Variants in RBPJ observed in about 807,000 individuals in gnomAD.
RBPJ encodes the protein recombination signal binding protein for immunoglobulin kappa J region, also known as recombining binding protein suppressor of hairless.
RBPJ carries 9 observed loss-of-function variants against 67.8 expected under a neutral mutation model. The observed-to-expected ratio is 0.13, with a 90% CI of 0.08 to 0.23. The LOEUF is 0.23. Ranked by LOEUF, RBPJ falls within the 10% of genes least tolerant of loss-of-function variation. RBPJ has a pLI of 1.00. For missense variants in RBPJ, 305 were observed against 595.6 expected, an observed-to-expected ratio of 0.51 and a Z score of 5.08; for synonymous variants, 198 against 203.3, an observed-to-expected ratio of 0.97 and a Z score of 0.22.
intron 1 of RBPJ, among the ~76,000 whole-genome samples, chr4:26,385,558 G>C (rs918148055): frequency 2.0e-5 from 3 of 152,086 alleles, no homozygotes; most frequent in African/African-American, 7.2e-5. Flanking sequence ...GTGCTTTCTT[G>C]CCTTTGCTCT....
Position 26,242,705 on chromosome 4 carries a change from T to TAAAAAA in RBPJ, c.-167+79108_-167+79113dup, listed in dbSNP as rs1025631996. 2.6e-3 allele frequency among the ~76,000 whole-genome samples: 265 copies of TAAAAAA among 100,362 alleles called. 3 individuals carry two copies. The highest frequency in any genetic ancestry group is 0.013 in the East Asian group (45 of 3,528). The allele number at this position is 100,362 out of a possible 152,430, so 65.8% of individuals were successfully genotyped here. A position where few individuals can be genotyped will look rare whatever the true frequency, so the allele number is the denominator to read the frequency against. ...TTTCACCAACAGACCCACTCATAGT[T>TAAAAAA]AAAAAAAAAAAAAAAAAAAAAAGTC... On this transcript the variant is annotated intron_variant, in intron 1 of 4. Transcript: ENST00000512351.
At chr4:26,159,412 C>CCCCTTATT (rs1332086619), upstream of RBPJ, among the ~76,000 whole-genome samples, 1 of 152,096 alleles carries the variant, frequency 6.6e-6, no homozygotes, top group Non-Finnish European at 1.5e-5. Context: ...TGATGCCATG[C>CCCCTTATT]CCCTTATTAA....
At chr4:26,144,548 A>G in the RBPJ span, among the ~76,000 whole-genome samples, 1 of 152,084 alleles carries the variant, frequency 6.6e-6, no homozygotes, top group African/African-American at 2.4e-5. Context: ...AGGATTACAG[A>G]TGTGAGTCAC....
At chr4:26,252,238 A>G (rs1720139776) in intron 1 of RBPJ, among the ~76,000 whole-genome samples, 1 of 152,066 alleles carries the variant, frequency 6.6e-6, no homozygotes, top group Non-Finnish European at 1.5e-5. Flanking sequence ...CCTCCCACCA[A>G]TAACTAGATT....
chr4:26,308,163 C>G (rs902718704), intron 1 of RBPJ, among the ~76,000 whole-genome samples: 6 of 152,120 alleles, frequency 3.9e-5, no homozygotes, highest in African/African-American at 1.2e-4. Flanking sequence ...GTAGTCCCAG[C>G]TAGTCGGGAG....
At chr4:26,340,028 A>AG (rs1434674748) in intron 1 of RBPJ, among the ~76,000 whole-genome samples, 2 of 152,206 alleles carry the variant, frequency 1.3e-5, no homozygotes, top group East Asian at 3.8e-4. Context: ...AAAAAAAAAA[A>AG]AGAACATTTC....
intron 1 of RBPJ, among the ~76,000 whole-genome samples, chr4:26,215,668 T>C (rs960748902): frequency 3.3e-5 from 5 of 152,090 alleles, no homozygotes; most frequent in African/African-American, 1.2e-4. Flanking sequence ...CACTGGAGTG[T>C]CACGAAAACA....
chr4:26,168,644 C>G (rs1716419442), intron 1 of RBPJ, among the ~76,000 whole-genome samples: 1 of 152,210 alleles, frequency 6.6e-6, no homozygotes, highest in African/African-American at 2.4e-5. Flanking sequence ...GGGAAGTTCT[C>G]CTGGATAATA....
intron 1 of RBPJ, among the ~76,000 whole-genome samples, chr4:26,295,722 G>C (rs1167860651): frequency 6.6e-6 from 1 of 152,118 alleles, no homozygotes. Flanking sequence ...AGGCTGATTT[G>C]GGACTTGGAT....
the RBPJ span, among the ~76,000 whole-genome samples, chr4:26,138,706 T>G: frequency 6.6e-6 from 1 of 152,314 alleles, no homozygotes; most frequent in African/African-American, 2.4e-5. Flanking sequence ...GTGGAGTACA[T>G]GAACCACTTC....
In RBPJ at chr4:26,434,578, C is replaced by T. The variant is rs1163510645; in HGVS notation, c.*3571C>T. ...TAATATATTAGGGTTTCTGTTTAAC[C>T]CTTTCAGGACTGAACTGTATCTCCT... On this transcript the variant is annotated 3_prime_UTR_variant, in exon 11 of 11. Coordinates refer to ENST00000355476, the MANE Select transcript of RBPJ (RefSeq NM_015874.6). 1.3e-5 allele frequency: 2 copies of T among 152,122 alleles called. No individual in the cohort carries two copies. The highest frequency in any genetic ancestry group is 6.5e-5 in the Admixed American group (1 of 15,280). The allele number at this position is 152,122 out of a possible 1,614,324, so 9.4% of individuals were successfully genotyped here.
chr4:26,272,401 AC>A (rs1720944848), intron 1 of RBPJ, among the ~76,000 whole-genome samples: 1 of 152,020 alleles, frequency 6.6e-6, no homozygotes, highest in Non-Finnish European at 1.5e-5. Context: ...CTCCATCTGT[AC>A]AAAAAAAATT....
upstream of RBPJ, chr4:26,319,902 G>C (rs377744078): frequency 2.7e-4 from 408 of 1,508,088 alleles, no homozygotes; most frequent in Non-Finnish European, 3.5e-4. Flanking sequence ...GGAGGAGGGG[G>C]CGGGATTCGG....
intron 2 of RBPJ, among the ~76,000 whole-genome samples, chr4:26,398,608 T>C (rs184352314): frequency 9.9e-5 from 15 of 152,272 alleles, no homozygotes; most frequent in African/African-American, 3.6e-4. Context: ...AATCTCATCT[T>C]TCAGAATTCT....
intron 1 of RBPJ, among the ~76,000 whole-genome samples, chr4:26,337,277 G>T (rs574464838): frequency 6.6e-6 from 1 of 152,228 alleles, no homozygotes; most frequent in African/African-American, 2.4e-5. Flanking sequence ...AGCCTGTTTA[G>T]TGTTTGATGC....
chr4:26,362,530 T>TA, intron 1 of RBPJ: 1 of 1,597,008 alleles, frequency 6.3e-7, no homozygotes, highest in Middle Eastern at 1.9e-4. Flanking sequence ...AGGAGAATGA[T>TA]ACAGATACAC....
intron 3 of RBPJ, among the ~76,000 whole-genome samples, chr4:26,414,227 C>T (rs995573973): frequency 6.6e-6 from 1 of 151,872 alleles, no homozygotes; most frequent in Non-Finnish European, 1.5e-5. Flanking sequence ...TGGAATGCAG[C>T]TGCACTATGA....
chr4:26,109,332 C>G, the RBPJ span, among the ~76,000 whole-genome samples: 1 of 149,792 alleles, frequency 6.7e-6, no homozygotes, highest in African/African-American at 2.5e-5. Context: ...TCTCGAACTC[C>G]TGACCTCAAG....
At position 26,398,313 on chromosome 4, in the gene RBPJ, A is replaced by G. The variant is rs1396647055; in HGVS notation, c.60-7862A>G. Among the ~76,000 whole-genome samples, 5 of 152,128 alleles carry G rather than the reference A, an allele frequency of 3.3e-5. 1 individual carries two copies. In the East Asian group the frequency reaches 9.6e-4, roughly 29 times the overall value. ...CTCCCTCCACTTACCCCTTGGACCA[A>G]TCACAGAGGTGTGTAAGAGTGTGGT... On this transcript the variant is annotated intron_variant, in intron 2 of 10. Coordinates refer to ENST00000355476, the MANE Select transcript of RBPJ (RefSeq NM_015874.6).
Sources: allele counts gnomAD v4.1 joint callset (sites outside exome capture counted in the v4.1 genomes callset), GRCh38; gene constraint gnomAD v4.1.1; transcripts MANE v1.5; gene names NCBI Gene and HGNC (gene_info 2026-07-23, HGNC 2026-07-21).